The following IPO8 variants were observed in gnomAD, a reference collection of about 807,000 sequenced individuals.
IPO8 encodes the protein importin 8, also known as importin-8.
A neutral mutation model predicts 141.2 loss-of-function variants in IPO8; 65 were observed. That is an observed-to-expected ratio of 0.46 (90% CI 0.38 to 0.57). The LOEUF is 0.57. IPO8 is among the 20% of genes least tolerant of loss of function. The pLI is 0.00. For synonymous variants in IPO8, 411 were observed against 420.3 expected, an observed-to-expected ratio of 0.98 and a Z score of 0.27; for missense variants, 980 against 1,246.8, an observed-to-expected ratio of 0.79 and a Z score of 3.22.
intron 8 of IPO8, among the ~76,000 whole-genome samples, chr12:30,671,936 G>C (rs906488287): frequency 3.3e-5 from 5 of 151,870 alleles, no homozygotes; most frequent in Non-Finnish European, 7.4e-5. Context: ...AAAAATGATA[G>C]CACAGGATTC....
chr12:30,634,099 A>G lies in IPO8; in HGVS notation c.2883T>C (p.Phe961=). The change falls in exon 23 of 25, where the codon TTT becomes TTC. Residue 961 remains phenylalanine (F), a synonymous_variant. Transcript: ENST00000256079. The part of the protein sequence containing the change: ...LDNSVDEYQF[F]TQALITVQSR... ...AAGACATACTTATCAGAGCTTGTGT[A>G]AAAAACTGATATTCATCCACACTAT... is the stretch of plus-strand genomic sequence containing the variant. The G allele has an allele frequency of 6.2e-7, 1 of 1,613,720 alleles. No homozygotes were observed. The highest frequency in any genetic ancestry group is 8.5e-7 in the Non-Finnish European group (1 of 1,179,670).
chr12:30,640,009 G>A (rs1035326486), intron 20 of IPO8, among the ~76,000 whole-genome samples: 2 of 152,150 alleles, frequency 1.3e-5, no homozygotes, highest in African/African-American at 2.4e-5. Context: ...AAGAGTCCAC[G>A]CTCAAACAGT....
chr12:30,673,740 A>G (rs193156437), intron 8 of IPO8, among the ~76,000 whole-genome samples: 16 of 152,324 alleles, frequency 1.1e-4, no homozygotes, highest in Non-Finnish European at 1.8e-4. Flanking sequence ...CTATCAACTT[A>G]AAAGGTTTGA....
intron 1 of IPO8, among the ~76,000 whole-genome samples, chr12:30,692,660 C>T (rs1223731319): frequency 6.6e-6 from 1 of 152,188 alleles, no homozygotes; most frequent in Non-Finnish European, 1.5e-5. Flanking sequence ...TGACTCACTG[C>T]TCCGCTGCAT....
At chr12:30,676,951 T>C (rs1293588180) in intron 5 of IPO8, 3 of 1,533,540 alleles carry the variant, frequency 2.0e-6, no homozygotes, top group East Asian at 2.4e-5. Context: ...ATTTATTTCA[T>C]TAAACACTCA....
intron 20 of IPO8, among the ~76,000 whole-genome samples, chr12:30,640,102 G>C (rs1212677558): frequency 2.6e-5 from 4 of 152,050 alleles, no homozygotes; most frequent in African/African-American, 9.7e-5. Flanking sequence ...AAATTAAATT[G>C]GAAATAAATA....
At chr12:30,682,058 A>T (rs1006994663) in intron 3 of IPO8, among the ~76,000 whole-genome samples, 3 of 152,182 alleles carry the variant, frequency 2.0e-5, no homozygotes, top group Non-Finnish European at 4.4e-5. Context: ...CTTATCCTAA[A>T]TACAGTTTAA....
chr12:30,678,808 ATAT>A (rs1321383933), intron 5 of IPO8, among the ~76,000 whole-genome samples: 1 of 152,134 alleles, frequency 6.6e-6, no homozygotes, highest in African/African-American at 2.4e-5. Context: ...TCCTGTACAA[ATAT>A]TATGCTACTT....
At chr12:30,689,448 T>C (rs561438178) in intron 2 of IPO8, among the ~76,000 whole-genome samples, 1 of 152,182 alleles carries the variant, frequency 6.6e-6, no homozygotes, top group African/African-American at 2.4e-5. Flanking sequence ...CACAGAAGTC[T>C]TGTAAACCTT....
Position 30,661,248 on chromosome 12 carries a change from C to T in IPO8, c.1774G>A (p.Val592Ile). The stretch of plus-strand genomic sequence containing the variant: ...TCTTCATATTCATCACTTTGAAGAA[C>T]TTTGCCAAATATCTCAGCCTATGAA... ...TQHLAEIFGK[V>I]LQSDEYEEVE... is the part of the protein sequence containing the mutation. Residue 592 changes from valine (V) to isoleucine (I), a missense_variant, in exon 16 of 25, where the codon GTT becomes ATT. By Grantham distance (29) the Val-to-Ile change is conservative. Transcript: ENST00000256079. 6.3e-7 allele frequency: 1 copy of T among 1,594,058 alleles called. No homozygotes were observed.
chr12:30,639,062 C>G (rs1341572503), intron 21 of IPO8, among the ~76,000 whole-genome samples: 2 of 152,078 alleles, frequency 1.3e-5, no homozygotes, highest in Non-Finnish European at 2.9e-5. Context: ...AATAACAAGC[C>G]TTCTGACTCC....
intron 16 of IPO8, among the ~76,000 whole-genome samples, chr12:30,659,388 C>A (rs942608983): frequency 6.7e-6 from 1 of 148,490 alleles, no homozygotes; most frequent in African/African-American, 2.5e-5. Flanking sequence ...TGAGGCAGCA[C>A]AATCACTTGA....
At chr12:30,636,345 C>G (rs1435099295) in intron 22 of IPO8, among the ~76,000 whole-genome samples, 4 of 152,062 alleles carry the variant, frequency 2.6e-5, no homozygotes, top group African/African-American at 9.7e-5. Flanking sequence ...TAGGAGAATG[C>G]TACTTCCTAG....
intron 10 of IPO8, among the ~76,000 whole-genome samples, chr12:30,667,965 G>C (rs1591836707): frequency 6.6e-6 from 1 of 152,034 alleles, no homozygotes; most frequent in Admixed American, 6.6e-5. Context: ...GGGAGACCCT[G>C]TCTCTGCAAA....
At chr12:30,681,887 T>G in intron 3 of IPO8, 70 bp from the exon 4 acceptor site, 4 of 1,306,236 alleles carry the variant, frequency 3.1e-6, no homozygotes, top group Admixed American at 5.1e-5. Context: ...ACCTCTAATA[T>G]TTTACATAAA....
In IPO8 at chr12:30,673,420, A is replaced by G. The variant is rs570575660; in HGVS notation, c.909+570T>C. ...TTTAAATGGCAACACTGATCAACCA[A>G]TTTTCATGGACCACTTGTCCTTTGT... On this transcript the variant is annotated intron_variant, in intron 8 of 24. Coordinates refer to ENST00000256079, the MANE Select transcript of IPO8 (RefSeq NM_006390.4). Among the ~76,000 whole-genome samples the G allele has an allele frequency of 4.0e-4, 61 of 152,308 alleles. No individual in the cohort carries two copies. The South Asian group carries it at 0.01, about 25-fold the overall frequency.
At chr12:30,657,844 C>T (rs2052822876) in intron 16 of IPO8, among the ~76,000 whole-genome samples, 1 of 151,924 alleles carries the variant, frequency 6.6e-6, no homozygotes, top group African/African-American at 2.4e-5. Context: ...AAAATATACA[C>T]ATTCACTTTT....
At chr12:30,648,294 C>T (rs2052676070) in intron 20 of IPO8, among the ~76,000 whole-genome samples, 1 of 152,082 alleles carries the variant, frequency 6.6e-6, no homozygotes. Context: ...CCTTGAAAAC[C>T]TATGACAAGT....
At position 30,665,306 on chromosome 12, in the gene IPO8, T is replaced by C. The variant is rs1330630527; in HGVS notation, c.1342A>G (p.Ser448Gly). 3.2e-6 allele frequency: 5 copies of C among 1,546,228 alleles called. No homozygotes were observed. The highest frequency in any genetic ancestry group is 4.4e-6 in the Non-Finnish European group (5 of 1,126,580). The change falls in exon 13 of 25, where the codon AGT (serine) becomes GGT (glycine). Residue 448 changes from serine (S) to glycine (G), a missense_variant. Ser to Gly is a moderately conservative substitution (Grantham distance 56, BLOSUM62 0). Transcript: ENST00000256079. ...GSLAEILLKKSLFKDQMELFL... is the reference protein window; with the variant it reads ...GSLAEILLKKGLFKDQMELFL... ...AGCTCCATTTGGTCCTTGAATAAAC[T>C]CTTCTATTAGGAAACAAATTTCAAC...
Sources: gnomAD v4.1 joint callset for allele counts (sites outside exome capture counted in the v4.1 genomes callset) on GRCh38, gnomAD v4.1.1 for gene constraint, MANE v1.5 for transcripts, NCBI Gene and HGNC (gene_info 2026-07-23, HGNC 2026-07-21) for gene names.